The following GRID1 variants were observed in gnomAD, a reference collection of about 807,000 sequenced individuals.
The protein encoded by GRID1 is glutamate receptor ionotropic, delta-1.
A neutral mutation model predicts 98.0 loss-of-function variants in GRID1; 28 were observed. That is an observed-to-expected ratio of 0.29 (90% CI 0.21 to 0.39). GRID1 has a LOEUF of 0.39. Ranked by LOEUF, GRID1 falls within the 10% of genes least tolerant of loss-of-function variation. GRID1 has a pLI of 1.00. For synonymous variants in GRID1, 553 were observed against 538.5 expected (o/e 1.03, Z -0.37); for missense variants, 1,111 against 1,340.5 (o/e 0.83, Z 2.67).
intron 5 of GRID1, among the ~76,000 whole-genome samples, chr10:85,895,800 C>G (rs1841285235): frequency 1.3e-5 from 2 of 152,084 alleles, no homozygotes; most frequent in South Asian, 4.1e-4. Context: ...GTACCTGACC[C>G]AGATGCAGAT....
chr10:85,865,425 T>C (rs7090378), intron 6 of GRID1, among the ~76,000 whole-genome samples: 38,119 of 152,020 alleles, frequency 0.25, 4,880 homozygotes, highest in African/African-American at 0.29. Context: ...ATAGAGAAGC[T>C]AAGGGATGGA....
intron 2 of GRID1, among the ~76,000 whole-genome samples, chr10:86,214,600 T>C (rs955252291): frequency 1.3e-5 from 2 of 152,194 alleles, no homozygotes; most frequent in African/African-American, 4.8e-5. Context: ...CTGTGGCTCA[T>C]GCCTGTAATC....
intron 3 of GRID1, among the ~76,000 whole-genome samples, chr10:86,185,818 T>C (rs1252296538): frequency 6.6e-6 from 1 of 152,204 alleles, no homozygotes; most frequent in Non-Finnish European, 1.5e-5. Context: ...TTGCTCACAA[T>C]GAAGTATTCT....
chr10:85,878,705 G>A (rs1430372317), intron 5 of GRID1, among the ~76,000 whole-genome samples: 3 of 152,298 alleles, frequency 2.0e-5, no homozygotes, highest in African/African-American at 7.2e-5. Context: ...GGAATAAACT[G>A]CATCAACTAA....
chr10:86,069,994 T>A (rs759984352), intron 4 of GRID1, among the ~76,000 whole-genome samples: 11 of 152,088 alleles, frequency 7.2e-5, no homozygotes, highest in Non-Finnish European at 1.6e-4. Context: ...CGTGATATGG[T>A]GCCTGTAGAG....
At chr10:86,242,096 G>A (rs1846645789) in intron 2 of GRID1, among the ~76,000 whole-genome samples, 1 of 152,208 alleles carries the variant, frequency 6.6e-6, no homozygotes. Context: ...CAAGCCCCGT[G>A]CTAGGTTCTG....
At chr10:86,178,574 T>A (rs545009117) in intron 3 of GRID1, among the ~76,000 whole-genome samples, 2 of 152,190 alleles carry the variant, frequency 1.3e-5, no homozygotes, top group South Asian at 4.2e-4. Context: ...AGAGAGCCCA[T>A]GCGCCACCTC....
At chr10:86,009,144 A>AC (rs1842897196) in intron 4 of GRID1, among the ~76,000 whole-genome samples, 1 of 152,220 alleles carries the variant, frequency 6.6e-6, no homozygotes, top group Non-Finnish European at 1.5e-5. Context: ...ATAACCGAAA[A>AC]AAAAAGTGGA....
chr10:86,048,600 C>T (rs1425891223), intron 4 of GRID1, among the ~76,000 whole-genome samples: 2 of 152,200 alleles, frequency 1.3e-5, no homozygotes, highest in Admixed American at 1.3e-4. Flanking sequence ...AGGCTCATGG[C>T]AACACTCCCA....
At chr10:86,149,853 A>C (rs1845138663) in intron 3 of GRID1, among the ~76,000 whole-genome samples, 1 of 152,158 alleles carries the variant, frequency 6.6e-6, no homozygotes, top group Non-Finnish European at 1.5e-5. Context: ...TCATGTTTCA[A>C]ATCTCTGGCT....
At chr10:86,229,234 T>C (rs1313650135) in intron 2 of GRID1, among the ~76,000 whole-genome samples, 1 of 152,122 alleles carries the variant, frequency 6.6e-6, no homozygotes, top group Admixed American at 6.5e-5. Context: ...CTCTAGCAAG[T>C]GCCTGGGGCC....
intron 11 of GRID1, among the ~76,000 whole-genome samples, chr10:85,723,477 GGCT>G (rs1841726749): frequency 6.6e-6 from 1 of 152,142 alleles, no homozygotes; most frequent in South Asian, 2.1e-4. Context: ...GAACTTCTAG[GGCT>G]GCAGCCTTAT....
intron 4 of GRID1, among the ~76,000 whole-genome samples, chr10:86,119,425 C>A (rs1844633693): frequency 6.6e-6 from 1 of 152,044 alleles, no homozygotes; most frequent in Non-Finnish European, 1.5e-5. Context: ...CTAATTATGA[C>A]AAATGTTCTA....
chr10:85,773,584 C>T (rs1275454271), intron 8 of GRID1, among the ~76,000 whole-genome samples: 1 of 152,170 alleles, frequency 6.6e-6, no homozygotes, highest in African/African-American at 2.4e-5. Context: ...CCCATTGTCT[C>T]AGCCCAAAAT....
At chr10:85,652,530 G>A (rs1480318601) in intron 12 of GRID1, among the ~76,000 whole-genome samples, 1 of 152,146 alleles carries the variant, frequency 6.6e-6, no homozygotes, top group African/African-American at 2.4e-5. Flanking sequence ...GGAGGGTGGG[G>A]ATATCCATCC....
chr10:85,753,343 G>T (rs1295862137), intron 8 of GRID1, among the ~76,000 whole-genome samples: 1 of 152,218 alleles, frequency 6.6e-6, no homozygotes. Flanking sequence ...TGTAGACAGT[G>T]AGGGCACTGT....
intron 2 of GRID1, among the ~76,000 whole-genome samples, chr10:86,244,659 C>A (rs1846693008): frequency 6.6e-6 from 1 of 152,206 alleles, no homozygotes; most frequent in South Asian, 2.1e-4. Context: ...AGGCCTGGGC[C>A]CCTTTACCCT....
intron 2 of GRID1, among the ~76,000 whole-genome samples, chr10:86,354,005 G>GCTTTGA (rs1279563044): frequency 2.6e-5 from 4 of 152,158 alleles, no homozygotes; most frequent in Non-Finnish European, 4.4e-5. Context: ...CCAGACCAGA[G>GCTTTGA]GCCAGAGTGG....
intron 4 of GRID1, among the ~76,000 whole-genome samples, chr10:86,076,326 GGT>G (rs1843879936): frequency 6.6e-6 from 1 of 152,218 alleles, no homozygotes; most frequent in Non-Finnish European, 1.5e-5. Flanking sequence ...GTAATTAACA[GGT>G]GATATGAAGA....
Sources: allele counts gnomAD v4.1 joint callset (sites outside exome capture counted in the v4.1 genomes callset), GRCh38; gene constraint gnomAD v4.1.1; transcripts MANE v1.5; gene names NCBI Gene and HGNC (gene_info 2026-07-23, HGNC 2026-07-21).